Variants in PWWP2A observed in about 807,000 individuals in gnomAD.
PWWP2A encodes the protein PWWP domain containing 2A.
A neutral mutation model predicts 48.5 loss-of-function variants in PWWP2A; 18 were observed. The ratio of observed to expected loss-of-function variants is 0.37; its 90% confidence interval spans 0.26 to 0.55. The LOEUF is 0.55. Ranked by LOEUF, PWWP2A falls within the 20% of genes least tolerant of loss-of-function variation. PWWP2A has a pLI of 0.81. For synonymous variants in PWWP2A, 396 were observed against 387.7 expected, an observed-to-expected ratio of 1.02 and a Z score of -0.25; for missense variants, 867 against 976.4, an observed-to-expected ratio of 0.89 and a Z score of 1.49.
chr5:160,062,469 C>A, intron 5 of PWWP2A, among the ~76,000 whole-genome samples: 1 of 152,220 alleles, frequency 6.6e-6, no homozygotes, highest in Non-Finnish European at 1.5e-5. Context: ...ACACCTCCGT[C>A]TTTTGGGTCT....
the PWWP2A span, chr5:160,051,082 GTTT>G: frequency 2.9e-3 from 3,590 of 1,226,076 alleles, no homozygotes; most frequent in Admixed American, 6.1e-3. Context: ...AAAGGTTTTG[GTTT>G]TTTTTTTTTT....
At chr5:160,055,793 C>T in the PWWP2A span, among the ~76,000 whole-genome samples, 3 of 152,232 alleles carry the variant, frequency 2.0e-5, no homozygotes, top group African/African-American at 7.2e-5. Context: ...GAGACACCTC[C>T]TGAGCAAAAG....
At chr5:160,116,621 A>T in intron 1 of PWWP2A, 1 of 980,096 alleles carries the variant, frequency 1.0e-6, no homozygotes, top group Non-Finnish European at 1.2e-6. Flanking sequence ...TCCACTAAAG[A>T]AAATTTTTTA....
rs368513631 is a variant in PWWP2A at position 160,092,814 on chromosome 5, A to G, written c.1836T>C (p.His612=). The G allele has an allele frequency of 5.2e-6, 8 of 1,551,692 alleles. No homozygotes were observed. Among genetic ancestry groups the G allele is most frequent in the East Asian group, 4.9e-5 (2 of 40,918 alleles). ...ESFDFPPGSM[H]APSTSSTSSS... is the part of the protein sequence containing the mutation. ...AGGAAGTGGAGGAGGTGGAAGGTGCATGCATACTGCCTGGAGGAAAATCAA... is the reference window on the plus strand; with the variant it reads ...AGGAAGTGGAGGAGGTGGAAGGTGCGTGCATACTGCCTGGAGGAAAATCAA... Residue 612 remains histidine (H), a synonymous_variant, in exon 2 of 2, where the codon CAT becomes CAC. Transcript: ENST00000307063.
intron 2 of PWWP2A, among the ~76,000 whole-genome samples, chr5:160,081,514 A>G (rs1754233320): frequency 6.6e-6 from 1 of 152,200 alleles, no homozygotes; most frequent in African/African-American, 2.4e-5. Flanking sequence ...TGCTGGGATT[A>G]TAGGCGTGAG....
intron 1 of PWWP2A, among the ~76,000 whole-genome samples, chr5:160,100,270 G>A (rs750239790): frequency 2.0e-4 from 30 of 152,120 alleles, no homozygotes; most frequent in Middle Eastern, 6.8e-3. Context: ...ACCACTGCAC[G>A]CACTCCAGCC....
At chr5:160,065,003 C>G in intron 4 of PWWP2A, 2 of 1,614,090 alleles carry the variant, frequency 1.2e-6, no homozygotes, top group Non-Finnish European at 1.7e-6. Flanking sequence ...CCAGATCAAA[C>G]AGGATTCCTC....
chr5:160,073,693 T>TTTCCTGAATC (rs1753798239), downstream of PWWP2A, among the ~76,000 whole-genome samples: 1 of 152,158 alleles, frequency 6.6e-6, no homozygotes, highest in Non-Finnish European at 1.5e-5. Flanking sequence ...CTGGCACAGT[T>TTTCCTGAATC]TTCCTGAATC....
chr5:160,112,877 G>A (rs1757731356), intron 1 of PWWP2A, among the ~76,000 whole-genome samples: 1 of 152,178 alleles, frequency 6.6e-6, no homozygotes, highest in Non-Finnish European at 1.5e-5. Flanking sequence ...TAAAGCCCAG[G>A]CCAGGAGTGG....
At position 160,092,278 on chromosome 5, in the gene PWWP2A, C is replaced by T; in HGVS notation, c.*104G>A. ...TAAAAAGCCAGCCAACTGAGTGCAACTTCTCTCTCCAATCTGGCCACGCTA... is the reference window on the plus strand; with the variant it reads ...TAAAAAGCCAGCCAACTGAGTGCAATTTCTCTCTCCAATCTGGCCACGCTA... On this transcript the variant is annotated 3_prime_UTR_variant, in exon 2 of 2. Coordinates refer to ENST00000307063, the MANE Select transcript of PWWP2A (RefSeq NM_001130864.2). 3.5e-6 allele frequency: 5 copies of T among 1,433,788 alleles called. No homozygotes were observed. Among genetic ancestry groups the T allele is most frequent in the Non-Finnish European group, 4.6e-6 (5 of 1,092,902 alleles). 88.8% of individuals were successfully genotyped at this position (1,433,788 alleles called of 1,614,324 possible). A position where few individuals can be genotyped will look rare whatever the true frequency, so the allele number is the denominator to read the frequency against.
chr5:160,055,532 A>C, the PWWP2A span, among the ~76,000 whole-genome samples: 1 of 152,272 alleles, frequency 6.6e-6, no homozygotes. Flanking sequence ...TATGGTGCCC[A>C]GAACATCAGC....
the PWWP2A span, among the ~76,000 whole-genome samples, chr5:160,045,769 G>GA: frequency 6.6e-6 from 1 of 151,806 alleles, no homozygotes; most frequent in African/African-American, 2.4e-5. Flanking sequence ...TTGGGACAGA[G>GA]ACTCGCTCTG....
intron 1 of PWWP2A, among the ~76,000 whole-genome samples, chr5:160,116,132 G>C (rs938924085): frequency 1.3e-5 from 2 of 152,030 alleles, no homozygotes; most frequent in Non-Finnish European, 2.9e-5. Context: ...CTTAGCTACT[G>C]TAACCTCCAC....
intron 1 of PWWP2A, chr5:160,113,181 C>A (rs1757770916): frequency 1.0e-6 from 1 of 975,052 alleles, no homozygotes; most frequent in Non-Finnish European, 1.2e-6. Context: ...GAAAAAAAGC[C>A]CAAGCACCTA....
chr5:160,089,693 A>C, downstream of PWWP2A: 2 of 1,271,050 alleles, frequency 1.6e-6, no homozygotes, highest in Non-Finnish European at 2.0e-6. Context: ...AGCTTTCACA[A>C]CTCTTCCTTC....
In PWWP2A at chr5:160,092,938, T is replaced by C. The variant is rs1322988483; in HGVS notation, c.1712A>G (p.Asn571Ser). ...KNNISVYMTL[N>S]QKKSDSSSAS... The stretch of plus-strand genomic sequence containing the variant: ...ACTGGAAGAGTCAGATTTCTTTTGA[T>C]TTAGGGTCATATAAACAGAGATATT... The change falls in exon 2 of 2, where the codon AAT becomes AGT. Residue 571 changes from asparagine to serine, a missense_variant. This residue lies in a region of PWWP2A where 382 missense variants were observed against 407.2 expected (regional missense o/e 0.94). Coordinates refer to ENST00000307063, the MANE Select transcript of PWWP2A (RefSeq NM_001130864.2). 1.9e-5 allele frequency: 30 copies of C among 1,551,770 alleles called. No homozygotes were observed. The highest frequency in any genetic ancestry group is 2.4e-5 in the Non-Finnish European group (28 of 1,147,022).
At chr5:160,069,521 G>A (rs1260421508) in intron 2 of PWWP2A, among the ~76,000 whole-genome samples, 2 of 151,960 alleles carry the variant, frequency 1.3e-5, no homozygotes, top group Non-Finnish European at 2.9e-5. Context: ...GGCTCAGCTA[G>A]GGTTTCTCAA....
downstream of PWWP2A, among the ~76,000 whole-genome samples, chr5:160,061,139 C>T (rs545111919): frequency 3.9e-4 from 60 of 152,346 alleles, no homozygotes; most frequent in Non-Finnish European, 8.1e-4. Flanking sequence ...GCTTCAGCCC[C>T]ATTGGACACA....
the PWWP2A span, chr5:160,049,369 A>T: frequency 1.4e-6 from 1 of 691,836 alleles, no homozygotes; most frequent in Non-Finnish European, 2.2e-6. Context: ...CTTTATAGAA[A>T]AAGTTTTCCA....
Sources: gnomAD v4.1 joint callset for allele counts (sites outside exome capture counted in the v4.1 genomes callset) on GRCh38, gnomAD v4.1.1 for gene constraint, gnomAD v4.1.1 regional missense constraint, MANE v1.5 for transcripts, NCBI Gene and HGNC (gene_info 2026-07-23, HGNC 2026-07-21) for gene names.